The following MYO7A variants were observed in gnomAD, a reference collection of about 807,000 sequenced individuals.
MYO7A encodes myosin VIIA.
In MYO7A, 210 loss-of-function variants were observed where a neutral mutation model predicts 263.8. The observed-to-expected ratio is 0.80, with a 90% CI of 0.71 to 0.89. The LOEUF (loss-of-function observed/expected upper bound fraction) is 0.89. Ranked by LOEUF, MYO7A falls within the 40% of genes least tolerant of loss-of-function variation. The probability of loss-of-function intolerance (pLI) is 0.00; values close to 1 mark genes in which losing one functional copy is unlikely to be tolerated. For synonymous variants in MYO7A, 1,239 were observed against 1,197.3 expected (o/e 1.03, Z -0.72); for missense variants, 2,820 against 2,968.3 (o/e 0.95, Z 1.16).
At chr11:77,132,829 C>T (rs1273183693) in intron 2 of MYO7A, among the ~76,000 whole-genome samples, 2 of 152,164 alleles carry the variant, frequency 1.3e-5, no homozygotes, top group Non-Finnish European at 2.9e-5. Context: ...ATGAAACAGG[C>T]TCAGGAAGGC....
At chr11:77,172,990 C>T in intron 16 of MYO7A, 105 bp downstream of exon 16, 1 of 1,428,110 alleles carries the variant, frequency 7.0e-7, no homozygotes, top group South Asian at 1.5e-5. Flanking sequence ...GACTTTGTCC[C>T]TTTGGGGAAT....
intron 39 of MYO7A, 23 bp downstream of exon 39, chr11:77,204,252 A>G: frequency 6.4e-7 from 1 of 1,558,150 alleles, no homozygotes; most frequent in East Asian, 2.4e-5. Context: ...CAGTGGGCGG[A>G]TGAGGGGCAG....
Position 77,190,003 on chromosome 11 carries a change from G to C in MYO7A, c.3631-17G>C, listed in dbSNP as rs1057389620. On this transcript the variant is annotated splice_polypyrimidine_tract_variant and intron_variant, in intron 28 of 48. Coordinates refer to ENST00000409709, the MANE Select transcript of MYO7A (RefSeq NM_000260.4). ...GGGGAGCCCCAGGGGCCGCCTCAGC[G>C]GGTACTCTGGCTGCAGTACCTGCGG... is the stretch of plus-strand genomic sequence containing the variant. The C allele has an allele frequency of 6.6e-7, 1 of 1,523,846 alleles. No homozygotes were observed. The highest frequency in any genetic ancestry group is 8.8e-7 in the Non-Finnish European group (1 of 1,132,230). 94.4% of individuals were successfully genotyped at this position (1,523,846 alleles called of 1,614,324 possible).
intron 4 of MYO7A, among the ~76,000 whole-genome samples, chr11:77,148,247 A>G (rs1305537402): frequency 2.0e-5 from 3 of 152,202 alleles, no homozygotes; most frequent in Non-Finnish European, 4.4e-5. Flanking sequence ...ATGGGAGGCC[A>G]GGGTGGAGTC....
At chr11:77,142,434 C>CCGTATCA in intron 2 of MYO7A, 3 of 504,912 alleles carry the variant, frequency 5.9e-6, no homozygotes, top group Non-Finnish European at 1.2e-5. Context: ...GAGAGCTGGG[C>CCGTATCA]TTTGAGAGGC....
chr11:77,153,658 G>A (rs1166596168), intron 4 of MYO7A, among the ~76,000 whole-genome samples: 1 of 152,180 alleles, frequency 6.6e-6, no homozygotes, highest in Non-Finnish European at 1.5e-5. Flanking sequence ...GGTCTGAAAC[G>A]GCCTCTGCCT....
In MYO7A at chr11:77,192,915, G is replaced by GGTAGTGATGGTGTTGTTTGTGATGGTGGA. The variant is rs1565441983; in HGVS notation, c.4152+638_4152+639insTAGTGATGGTGTTGTTTGTGATGGTGGAG. ...TAGTGATGGTGTTGGTGATGGTGGAGGGTAGTGATGGTGTTGTTTGTGATG... is the reference window on the plus strand; with the variant it reads ...TAGTGATGGTGTTGGTGATGGTGGAGGTAGTGATGGTGTTGTTTGTGATGGTGGAGGTAGTGATGGTGTTGTTTGTGATG... On this transcript the variant is annotated intron_variant, in intron 31 of 48. Coordinates refer to ENST00000409709, the MANE Select transcript of MYO7A (RefSeq NM_000260.4). Among the ~76,000 whole-genome samples the GGTAGTGATGGTGTTGTTTGTGATGGTGGA allele has an allele frequency of 1.7e-3, 10 of 5,782 alleles. 1 individual carries two copies. The highest frequency in any genetic ancestry group is 5.9e-3 in the African/African-American group (9 of 1,524). 3.8% of individuals were successfully genotyped at this position (5,782 alleles called of 152,430 possible). A position where few individuals can be genotyped will look rare whatever the true frequency, so the allele number is the denominator to read the frequency against.
At chr11:77,195,545 C>A (rs1269116929) in intron 32 of MYO7A, among the ~76,000 whole-genome samples, 2 of 152,190 alleles carry the variant, frequency 1.3e-5, no homozygotes, top group Admixed American at 1.3e-4. Flanking sequence ...GGGTGGGGTG[C>A]TATTATTATG....
intron 2 of MYO7A, among the ~76,000 whole-genome samples, chr11:77,139,128 A>G (rs151024041): frequency 2.1e-3 from 313 of 152,304 alleles, no homozygotes; most frequent in African/African-American, 7.2e-3. Flanking sequence ...GACTCCTTCC[A>G]TTTCATGGCT....
intron 4 of MYO7A, among the ~76,000 whole-genome samples, chr11:77,154,729 G>T (rs1952284022): frequency 6.6e-6 from 1 of 151,998 alleles, no homozygotes; most frequent in South Asian, 2.1e-4. Context: ...GGAGGAAGAG[G>T]CTTAGGTGGG....
Position 77,197,474 on chromosome 11 carries a change from C to T in MYO7A, c.4324-7C>T, listed in dbSNP as rs1327395587. ...TCTTCTGTCCCTCTGTCCCTCTCTC[C>T]TTCCAGGGGATTTATGCCCAGAGGA... On this transcript the variant is annotated splice_polypyrimidine_tract_variant and splice_region_variant and intron_variant, in intron 32 of 48. Transcript: ENST00000409709. 5.7e-6 allele frequency: 9 copies of T among 1,576,882 alleles called. No individual in the cohort carries two copies. Among genetic ancestry groups the T allele is most frequent in the Non-Finnish European group, 7.8e-6 (9 of 1,157,938 alleles).
intron 2 of MYO7A, among the ~76,000 whole-genome samples, chr11:77,139,823 C>T (rs1361820508): frequency 6.6e-6 from 1 of 152,146 alleles, no homozygotes; most frequent in Non-Finnish European, 1.5e-5. Context: ...CTCTCTTTGG[C>T]CCTCAGTTTC....
intron 29 of MYO7A, 119 bp from the exon 30 acceptor site, chr11:77,190,578 T>TTCTGGGGCCTGGAGC (rs55637648): frequency 1.9e-6 from 2 of 1,049,178 alleles, no homozygotes; most frequent in Non-Finnish European, 2.8e-6. Context: ...CCCAGTGAGG[T>TTCTGGGGCCTGGAGC]ACTGGGGCCT....
rs1386122771 is a variant in MYO7A at position 77,172,604 on chromosome 11, C to T, written c.1798-144C>T. 22 of 1,057,434 alleles carry T rather than the reference C, an allele frequency of 2.1e-5. No homozygotes were observed. The Middle Eastern group carries it at 1.2e-3, about 59-fold the overall frequency. 65.5% of individuals were successfully genotyped at this position (1,057,434 alleles called of 1,614,324 possible). A position where few individuals can be genotyped will look rare whatever the true frequency, so the allele number is the denominator to read the frequency against. ...CTCCAGCTCAGAAGGTGGGGAGAGG[C>T]AGTTTGCAGGAAAACTTCAAATACC... On this transcript the variant is annotated intron_variant, in intron 15 of 48. Coordinates refer to ENST00000409709, the MANE Select transcript of MYO7A (RefSeq NM_000260.4).
intron 3 of MYO7A, among the ~76,000 whole-genome samples, chr11:77,143,653 G>T (rs1423282629): frequency 6.6e-6 from 1 of 152,200 alleles, no homozygotes; most frequent in Non-Finnish European, 1.5e-5. Flanking sequence ...GAGCACACAG[G>T]GGCAGCTTAG....
chr11:77,178,156 C>T (rs1954800930), intron 19 of MYO7A, among the ~76,000 whole-genome samples: 1 of 16,144 alleles, frequency 6.2e-5, no homozygotes, highest in Non-Finnish European at 1.5e-4. Flanking sequence ...CGTCCACCCA[C>T]CTACCTATCC....
At chr11:77,202,181 C>A in intron 36 of MYO7A, 119 bp from the exon 37 acceptor site, 3 of 1,250,100 alleles carry the variant, frequency 2.4e-6, no homozygotes, top group African/African-American at 1.5e-5. Flanking sequence ...CAGAATGGGG[C>A]ATGGGGTCCA....
At chr11:77,202,115 A>C (rs1957104097) in intron 36 of MYO7A, among the ~76,000 whole-genome samples, 185 bp from the exon 37 acceptor site, 1 of 152,104 alleles carries the variant, frequency 6.6e-6, no homozygotes, top group Admixed American at 6.5e-5. Context: ...TGAGCTCAGC[A>C]CAAAGGAGGC....
At position 77,174,926 on chromosome 11, in the gene MYO7A, A is replaced by G; in HGVS notation, c.2094+12A>G. The G allele has an allele frequency of 6.2e-7, 1 of 1,610,558 alleles. No individual in the cohort carries two copies. The highest frequency in any genetic ancestry group is 8.5e-7 in the Non-Finnish European group (1 of 1,177,390). On this transcript the variant is annotated intron_variant, in intron 17 of 48. Transcript: ENST00000409709. ...CGGCCTACAAGCAGGTACAGGGCTGAGTGCACAGAGGGCAGGAGGGGAGGG... is the reference window on the plus strand; with the variant it reads ...CGGCCTACAAGCAGGTACAGGGCTGGGTGCACAGAGGGCAGGAGGGGAGGG...
Sources: allele counts gnomAD v4.1 joint callset (sites outside exome capture counted in the v4.1 genomes callset), GRCh38; gene constraint gnomAD v4.1.1; transcripts MANE v1.5; gene names NCBI Gene and HGNC (gene_info 2026-07-23, HGNC 2026-07-21).